Variants in GRM7 observed in about 807,000 individuals in gnomAD.
GRM7 encodes the protein metabotropic glutamate receptor 7.
Under a neutral mutation model 84.5 loss-of-function variants are expected in GRM7, and 35 were observed. The observed-to-expected ratio is 0.41, with a 90% CI of 0.32 to 0.55. The LOEUF (loss-of-function observed/expected upper bound fraction) is 0.55. Among genes scored for constraint, GRM7 ranks in the 20% least tolerant of loss-of-function variants. The pLI is 0.19. For synonymous variants in GRM7, 487 were observed against 455.1 expected, an observed-to-expected ratio of 1.07 and a Z score of -0.89; for missense variants, 1,003 against 1,194.6, an observed-to-expected ratio of 0.84 and a Z score of 2.36.
chr3:7,252,643 G>A (rs1057462046), intron 2 of GRM7, among the ~76,000 whole-genome samples: 6 of 78,994 alleles, frequency 7.6e-5, no homozygotes, highest in African/African-American at 2.3e-4. Context: ...GCTTGGCTTA[G>A]CTTAGCTTTT....
intron 7 of GRM7, among the ~76,000 whole-genome samples, chr3:7,524,449 G>A (rs1157137644): frequency 1.1e-5 from 1 of 88,536 alleles, no homozygotes; most frequent in Non-Finnish European, 2.1e-5. Context: ...CAAAAAGTGG[G>A]CAAAGGACAT....
intron 2 of GRM7, among the ~76,000 whole-genome samples, chr3:7,278,647 T>C (rs997727892): frequency 1.3e-5 from 2 of 152,200 alleles, no homozygotes; most frequent in Non-Finnish European, 2.9e-5. Context: ...AAGGCAATAA[T>C]CATGCATAAG....
chr3:7,221,028 C>T (rs959082708), intron 2 of GRM7, among the ~76,000 whole-genome samples: 7 of 148,404 alleles, frequency 4.7e-5, no homozygotes, highest in South Asian at 2.2e-4. Flanking sequence ...GCCCAGGACA[C>T]GGAGGTTGCA....
At chr3:7,136,262 A>C (rs1693767745) in intron 1 of GRM7, among the ~76,000 whole-genome samples, 2 of 151,718 alleles carry the variant, frequency 1.3e-5, no homozygotes, top group African/African-American at 4.8e-5. Flanking sequence ...TAAACACTGT[A>C]TTTGCTATGT....
chr3:7,153,809 A>G (rs1694362034), intron 2 of GRM7, among the ~76,000 whole-genome samples: 1 of 145,674 alleles, frequency 6.9e-6, no homozygotes, highest in Non-Finnish European at 1.5e-5. Flanking sequence ...TAGTAGAAAC[A>G]ACAATAGGAC....
intron 8 of GRM7, among the ~76,000 whole-genome samples, chr3:7,676,573 C>G (rs1387300634): frequency 1.0e-5 from 1 of 97,104 alleles, no homozygotes; most frequent in Admixed American, 1.0e-4. Context: ...ATTCTCTTGG[C>G]TCAGCCTCCT....
At chr3:7,589,394 A>C (rs530828008) in intron 8 of GRM7, among the ~76,000 whole-genome samples, 1 of 152,178 alleles carries the variant, frequency 6.6e-6, no homozygotes, top group Non-Finnish European at 1.5e-5. Flanking sequence ...CATAGGGATA[A>C]GTGTTTTATA....
At chr3:7,391,024 G>T (rs546493824) in intron 4 of GRM7, among the ~76,000 whole-genome samples, 1 of 151,868 alleles carries the variant, frequency 6.6e-6, no homozygotes, top group Non-Finnish European at 1.5e-5. Flanking sequence ...TCATTTGGAT[G>T]TGGCTTCTTG....
At chr3:7,516,502 A>G (rs1415267860) in intron 7 of GRM7, among the ~76,000 whole-genome samples, 3 of 128,530 alleles carry the variant, frequency 2.3e-5, no homozygotes, top group African/African-American at 5.2e-5. Context: ...AAAAAAAAAA[A>G]AAAGAAATAG....
chr3:7,571,596 A>AT (rs1282028055), intron 7 of GRM7, among the ~76,000 whole-genome samples: 2 of 152,170 alleles, frequency 1.3e-5, no homozygotes, highest in African/African-American at 4.8e-5. Context: ...GATCAAAGCC[A>AT]TTCAACAAGT....
At chr3:7,023,988 C>T (rs1489821940) in intron 1 of GRM7, among the ~76,000 whole-genome samples, 1 of 152,128 alleles carries the variant, frequency 6.6e-6, no homozygotes, top group African/African-American at 2.4e-5. Context: ...CTGTTCTCTC[C>T]AGGCAGGCTC....
intron 1 of GRM7, among the ~76,000 whole-genome samples, chr3:6,895,029 A>G (rs182617978): frequency 6.6e-6 from 1 of 152,310 alleles, no homozygotes; most frequent in Non-Finnish European, 1.5e-5. Flanking sequence ...GAGGGTTCTT[A>G]GCAATAGGAG....
chr3:7,314,077 AATTAT>A (rs918053714), intron 4 of GRM7, among the ~76,000 whole-genome samples: 5 of 152,188 alleles, frequency 3.3e-5, no homozygotes, highest in Admixed American at 3.3e-4. Context: ...ATTAGACATC[AATTAT>A]ATTATTGGAG....
chr3:7,464,088 G>A (rs947331621), intron 7 of GRM7, among the ~76,000 whole-genome samples: 22 of 152,132 alleles, frequency 1.4e-4, no homozygotes, highest in African/African-American at 4.1e-4. Flanking sequence ...ACATATTACC[G>A]GGCCCTGCTC....
intron 1 of GRM7, among the ~76,000 whole-genome samples, chr3:6,964,329 T>A (rs1051521674): frequency 1.3e-4 from 20 of 152,264 alleles, no homozygotes; most frequent in African/African-American, 4.6e-4. Context: ...TGTGAACTTA[T>A]CATTGTATCC....
chr3:7,364,511 A>C (rs1384136991), intron 4 of GRM7, among the ~76,000 whole-genome samples: 1 of 151,430 alleles, frequency 6.6e-6, no homozygotes, highest in Non-Finnish European at 1.5e-5. Flanking sequence ...TATTTATATA[A>C]TTTGCTTTTT....
chr3:7,689,209 G>A (rs532141626), intron 9 of GRM7, among the ~76,000 whole-genome samples: 57 of 152,240 alleles, frequency 3.7e-4, no homozygotes, highest in African/African-American at 1.3e-3. Context: ...CCAAACACAT[G>A]AATTGTATTA....
intron 9 of GRM7, among the ~76,000 whole-genome samples, chr3:7,739,525 G>A (rs1326328022): frequency 1.3e-5 from 2 of 152,164 alleles, no homozygotes; most frequent in Admixed American, 6.5e-5. Context: ...CATTGCAACA[G>A]TATGACTTGG....
At chr3:7,440,440 G>C (rs957328369) in intron 5 of GRM7, among the ~76,000 whole-genome samples, 1 of 152,144 alleles carries the variant, frequency 6.6e-6, no homozygotes, top group African/African-American at 2.4e-5. Context: ...AATCACTAGA[G>C]CTAGTCCAAT....
Sources: gnomAD v4.1 joint callset for allele counts (sites outside exome capture counted in the v4.1 genomes callset) on GRCh38, gnomAD v4.1.1 for gene constraint, MANE v1.5 for transcripts, NCBI Gene and HGNC (gene_info 2026-07-23, HGNC 2026-07-21) for gene names.